FER1L5: variants seen among roughly 807,000 people sequenced by gnomAD.
FER1L5 encodes the protein fer-1-like protein 5.
FER1L5 carries 187 observed loss-of-function variants against 279.9 expected under a neutral mutation model. The ratio of observed to expected loss-of-function variants is 0.67; its 90% CI spans 0.59 to 0.75. The LOEUF (loss-of-function observed/expected upper bound fraction) is 0.75, where lower values mean the gene tolerates loss of function less well. Among genes scored for constraint, FER1L5 ranks in the 30% least tolerant of loss-of-function variants. The pLI, the probability that FER1L5 is intolerant of heterozygous loss-of-function variation, is 0.00. For missense variants in FER1L5, 2,091 were observed against 2,594.4 expected (o/e 0.81, Z 4.21); for synonymous variants, 921 against 989.7 (o/e 0.93, Z 1.30).
At chr2:96,663,357 C>A in intron 13 of FER1L5, 82 bp from the exon 14 acceptor site, 1 of 1,310,212 alleles carries the variant, frequency 7.6e-7, no homozygotes, top group Non-Finnish European at 1.1e-6. Context: ...CACTGGGAGG[C>A]TGGACAGGAA....
chr2:96,682,685 A>G (rs2076773792), intron 19 of FER1L5, among the ~76,000 whole-genome samples: 1 of 152,010 alleles, frequency 6.6e-6, no homozygotes, highest in Non-Finnish European at 1.5e-5. Context: ...CTTTATTTTT[A>G]TTTATTTATT....
rs1282405490 is a variant in FER1L5 at position 96,694,103 on chromosome 2, G to A, written c.3636+31G>A. ...GGGAGAGAGGGCCTGGCTGGGAAGT[G>A]TGGCACTCAGTGCCCCTCCCCGTCC... On this transcript the variant is annotated intron_variant, in intron 33 of 52. Transcript: ENST00000624922. This position sits in a 1 kb window ranked among gnomAD's most constrained non-coding sequence, Gnocchi z 4.6. 10 of 1,523,968 alleles carry A rather than the reference G, an allele frequency of 6.6e-6. No individual in the cohort carries two copies. The highest frequency in any genetic ancestry group is 7.0e-6 in the Non-Finnish European group (8 of 1,139,710). 94.4% of individuals were successfully genotyped at this position (1,523,968 alleles called of 1,614,324 possible). A position where few individuals can be genotyped will look rare whatever the true frequency, so the allele number is the denominator to read the frequency against.
At chr2:96,646,250 G>A (rs570488498) in intron 1 of FER1L5, 151 bp from the exon 2 acceptor site, 12 of 658,674 alleles carry the variant, frequency 1.8e-5, no homozygotes, top group African/African-American at 5.5e-5. Flanking sequence ...TGCCTGCCTC[G>A]GCCTCCCAAA....
At chr2:96,649,817 C>A in intron 5 of FER1L5, 140 bp downstream of exon 5, 1 of 801,382 alleles carries the variant, frequency 1.2e-6, no homozygotes, top group Non-Finnish European at 2.0e-6. Context: ...TCCCTGGAAG[C>A]TACAGGGTCT....
At chr2:96,659,386 T>TTCC (rs2075799729) in intron 9 of FER1L5, among the ~76,000 whole-genome samples, 1 of 12,314 alleles carries the variant, frequency 8.1e-5, no homozygotes, top group Non-Finnish European at 1.3e-4. Context: ...TCTTTCTTTC[T>TTCC]TTCTTTCTTT....
chr2:96,659,584 C>G (rs912955136), intron 9 of FER1L5, among the ~76,000 whole-genome samples: 2 of 149,346 alleles, frequency 1.3e-5, no homozygotes, highest in South Asian at 2.1e-4. Flanking sequence ...TTCCGCCTCC[C>G]GGGTTCACAC....
intron 19 of FER1L5, among the ~76,000 whole-genome samples, chr2:96,676,504 A>T (rs867853457): frequency 4.5e-4 from 68 of 152,222 alleles, no homozygotes; most frequent in African/African-American, 1.5e-3. Context: ...GCTATTGTAC[A>T]AGTCTTTGGG....
At chr2:96,679,030 T>C (rs2076615166) in intron 19 of FER1L5, among the ~76,000 whole-genome samples, 2 of 152,156 alleles carry the variant, frequency 1.3e-5, no homozygotes, top group Admixed American at 1.3e-4. Context: ...CTCATGATTG[T>C]GAAGATTTTT....
chr2:96,702,408 AAG>A lies in FER1L5; in HGVS notation c.5255+10_5255+11del. 1 of 1,607,704 alleles carries A rather than the reference AAG, an allele frequency of 6.2e-7. No individual in the cohort carries two copies. Among genetic ancestry groups the A allele is most frequent in the East Asian group, 2.2e-5 (1 of 44,632 alleles). On this transcript the variant is annotated splice_region_variant and intron_variant, in intron 47 of 52. Coordinates refer to ENST00000624922, the MANE Select transcript of FER1L5 (RefSeq NM_001293083.2). This position sits in a 1 kb window ranked among gnomAD's most constrained non-coding sequence, Gnocchi z 4.0. ...GCGACATCTACATCAAAGGGTAGGGAAGAGGAGTCAGGCTCCGGCAGAGCCCC... is the reference window on the plus strand; with the variant it reads ...GCGACATCTACATCAAAGGGTAGGGAAGGAGTCAGGCTCCGGCAGAGCCCC...
chr2:96,652,201 A>G lies in FER1L5; in HGVS notation c.633+181A>G, dbSNP rs1475886820. ...AGAACAGTATAACTCAGAGCCCTGTATCTGAGGAGCTGGTGGGCTGGTGGG... is the reference window on the plus strand; with the variant it reads ...AGAACAGTATAACTCAGAGCCCTGTGTCTGAGGAGCTGGTGGGCTGGTGGG... On this transcript the variant is annotated intron_variant, in intron 7 of 52. Transcript: ENST00000624922. 16 of 828,934 alleles carry G rather than the reference A, an allele frequency of 1.9e-5. No homozygotes were observed. In the Middle Eastern group the frequency reaches 1.1e-3, roughly 58 times the overall value. The allele number at this position is 828,934 out of a possible 1,614,324, so 51.3% of individuals were successfully genotyped here.
At chr2:96,650,758 G>A (rs754071394) in intron 6 of FER1L5, among the ~76,000 whole-genome samples, 8 of 152,148 alleles carry the variant, frequency 5.3e-5, no homozygotes, top group Non-Finnish European at 8.8e-5. Flanking sequence ...CTTCTAGCCC[G>A]TGGCCTAACA....
chr2:96,676,440 T>G (rs2106608730), intron 19 of FER1L5, among the ~76,000 whole-genome samples: 1 of 152,338 alleles, frequency 6.6e-6, no homozygotes, highest in East Asian at 1.9e-4. Context: ...GTGCTGGAAT[T>G]ACAAGCGTGA....
At chr2:96,699,528 G>T in intron 42 of FER1L5, 22 bp from the exon 43 acceptor site, 1 of 1,605,766 alleles carries the variant, frequency 6.2e-7, no homozygotes, top group Non-Finnish European at 8.5e-7. Context: ...ATCCTCTGCA[G>T]TCTCCAACAC....
chr2:96,674,899 G>A (rs2076456079), intron 19 of FER1L5, among the ~76,000 whole-genome samples: 1 of 152,042 alleles, frequency 6.6e-6, no homozygotes, highest in South Asian at 2.1e-4. Flanking sequence ...TCTTAGAAAG[G>A]GTCCCTGTTT....
In FER1L5 at chr2:96,695,560, C is replaced by G. The variant is rs748292363; in HGVS notation, c.3793C>G (p.Leu1265Val). 5.6e-6 allele frequency: 9 copies of G among 1,594,164 alleles called. No homozygotes were observed. The highest frequency in any genetic ancestry group is 6.8e-6 in the Non-Finnish European group (8 of 1,170,750). ...GAAGAAGGCGAGCTCCCCCCAGCTC[C>G]TGGTGGAATTCGGGGAAGAGTCCCT... Reference protein sequence around the residue: ...NMKKASSPQLLVEFGEESLRT... With the variant: ...NMKKASSPQLVVEFGEESLRT... Residue 1265 changes from leucine to valine, a missense_variant, in exon 35 of 53, where the codon CTG becomes GTG. By Grantham distance (32) the Leu-to-Val change is conservative (BLOSUM62 1). Transcript: ENST00000624922.
At chr2:96,658,380 G>A (rs910442981) in intron 9 of FER1L5, among the ~76,000 whole-genome samples, 10 of 147,218 alleles carry the variant, frequency 6.8e-5, no homozygotes, top group African/African-American at 1.5e-4. Context: ...GCAGTGGCGC[G>A]ATCTCAGCTC....
chr2:96,680,822 AC>A, intron 19 of FER1L5, among the ~76,000 whole-genome samples: 1 of 151,988 alleles, frequency 6.6e-6, no homozygotes, highest in Admixed American at 6.6e-5. Context: ...CCCTGTGCCC[AC>A]CCCACCCCAC....
intron 19 of FER1L5, among the ~76,000 whole-genome samples, chr2:96,683,981 G>T (rs1005222111): frequency 6.6e-6 from 1 of 152,086 alleles, no homozygotes; most frequent in Admixed American, 6.5e-5. Context: ...CTGGCATCTC[G>T]CTTGAGGTTC....
chr2:96,697,559 A>G lies in FER1L5; in HGVS notation c.4117A>G (p.Lys1373Glu). The change falls in exon 38 of 53, where the codon AAG becomes GAG. Residue 1373 changes from lysine to glutamate, a missense_variant. Physicochemically the swap from Lys to Glu is moderately conservative, Grantham distance 56. Transcript: ENST00000624922. ...LGYLYRKFWFKSSKAEDEYEH... is the reference protein window; with the variant it reads ...LGYLYRKFWFESSKAEDEYEH... ...CTACCTCTACAGAAAGTTCTGGTTCAAGTCCAGTAAAGCAGAGGTGATGAA... is the reference window on the plus strand; with the variant it reads ...CTACCTCTACAGAAAGTTCTGGTTCGAGTCCAGTAAAGCAGAGGTGATGAA... The G allele has an allele frequency of 1.9e-6, 3 of 1,613,748 alleles. No individual in the cohort carries two copies. The highest frequency in any genetic ancestry group is 2.5e-6 in the Non-Finnish European group (3 of 1,179,786).
Sources: allele counts gnomAD v4.1 joint callset (sites outside exome capture counted in the v4.1 genomes callset), GRCh38; gene constraint gnomAD v4.1.1; non-coding constraint Gnocchi (gnomAD v3.1); transcripts MANE v1.5; gene names NCBI Gene and HGNC (gene_info 2026-07-23, HGNC 2026-07-21).